Variants in SYN3 observed in about 807,000 individuals in gnomAD.
The protein encoded by SYN3 is synapsin III, also known as synapsin-3.
A neutral mutation model predicts 65.8 loss-of-function variants in SYN3; 35 were observed. That is an observed-to-expected ratio of 0.53 (90% CI 0.41 to 0.70). The LOEUF (loss-of-function observed/expected upper bound fraction) is 0.70. SYN3 is among the 30% of genes least tolerant of loss of function. The probability of loss-of-function intolerance (pLI) is 0.00; values close to 1 mark genes in which losing one functional copy is unlikely to be tolerated. For synonymous variants in SYN3, 270 were observed against 292.9 expected (o/e 0.92, Z 0.80); for missense variants, 680 against 749.0 (o/e 0.91, Z 1.08).
intron 6 of SYN3, among the ~76,000 whole-genome samples, chr22:32,694,468 T>C (rs1399512834): frequency 3.3e-5 from 5 of 152,218 alleles, no homozygotes; most frequent in Non-Finnish European, 7.3e-5. Context: ...CCTAAATTGA[T>C]AATATTGATA....
chr22:32,921,185 C>T (rs2050325496), intron 4 of SYN3, among the ~76,000 whole-genome samples: 2 of 152,054 alleles, frequency 1.3e-5, no homozygotes, highest in Admixed American at 1.3e-4. Flanking sequence ...GATACAATAC[C>T]CAATGTCTGA....
intron 4 of SYN3, among the ~76,000 whole-genome samples, chr22:32,878,775 G>GGC (rs2049048260): frequency 6.6e-6 from 1 of 152,076 alleles, no homozygotes; most frequent in African/African-American, 2.4e-5. Flanking sequence ...TCTGTAGGAG[G>GGC]GCACAACCAC....
At chr22:32,554,889 G>T (rs2058470972) in intron 7 of SYN3, among the ~76,000 whole-genome samples, 1 of 152,186 alleles carries the variant, frequency 6.6e-6, no homozygotes, top group Non-Finnish European at 1.5e-5. Flanking sequence ...TAACCTCTCT[G>T]TGTCTCACTT....
Position 32,802,269 on chromosome 22 carries a change from T to C in SYN3, c.711+62646A>G. 7.1e-6 allele frequency: 9 copies of C among 1,264,924 alleles called. No homozygotes were observed. The South Asian group carries it at 9.3e-5, about 13-fold the overall frequency. The allele number at this position is 1,264,924 out of a possible 1,614,324, so 78.4% of individuals were successfully genotyped here. A position where few individuals can be genotyped will look rare whatever the true frequency, so the allele number is the denominator to read the frequency against. ...GGCGGAGTGGAGAAACTCGATGTCC[T>C]TGGGCGGGGGCGCTGGCATAGCTGA... On this transcript the variant is annotated intron_variant, in intron 6 of 13. Transcript: ENST00000358763.
intron 7 of SYN3, among the ~76,000 whole-genome samples, chr22:32,546,133 ATGACACC>A (rs1465561212): frequency 6.6e-6 from 1 of 152,080 alleles, no homozygotes; most frequent in Admixed American, 6.6e-5. Flanking sequence ...CCCACATTGT[ATGACACC>A]TGGGCAATAA....
At chr22:32,950,872 G>C (rs1321769437) in intron 3 of SYN3, among the ~76,000 whole-genome samples, 1 of 152,094 alleles carries the variant, frequency 6.6e-6, no homozygotes, top group Non-Finnish European at 1.5e-5. Context: ...CCTATAATGA[G>C]GGGTGTAGCA....
chr22:32,551,667 C>T lies in SYN3; in HGVS notation c.775-9954G>A, dbSNP rs2058417317. On this transcript the variant is annotated intron_variant, in intron 7 of 13. Coordinates refer to ENST00000358763, the MANE Select transcript of SYN3 (RefSeq NM_003490.4). ...GAGGCTATTGAACACTGATGATATA[C>T]TAGATGATATTAAAGAATTATTATT... Among the ~76,000 whole-genome samples, 3 of 151,874 alleles carry T rather than the reference C, an allele frequency of 2.0e-5. No individual in the cohort carries two copies. In the South Asian group the frequency reaches 6.2e-4, roughly 31 times the overall value.
intron 6 of SYN3, among the ~76,000 whole-genome samples, chr22:32,657,224 C>A (rs1042015772): frequency 6.6e-6 from 1 of 151,938 alleles, no homozygotes. Context: ...CCCGGGTTCA[C>A]GCCATTCTCC....
chr22:32,737,364 G>T (rs986718800), intron 6 of SYN3, among the ~76,000 whole-genome samples: 1 of 151,668 alleles, frequency 6.6e-6, no homozygotes, highest in South Asian at 2.1e-4. Flanking sequence ...TGTGCACAAC[G>T]TGCAGGTTAG....
At chr22:32,610,300 G>T (rs913382721) in intron 6 of SYN3, among the ~76,000 whole-genome samples, 11 of 151,420 alleles carry the variant, frequency 7.3e-5, no homozygotes, top group African/African-American at 2.4e-4. Flanking sequence ...CCCAAAAAAA[G>T]AAATGTACAG....
At chr22:32,753,784 CAG>C (rs2045210798) in intron 6 of SYN3, among the ~76,000 whole-genome samples, 1 of 152,210 alleles carries the variant, frequency 6.6e-6, no homozygotes, top group South Asian at 2.1e-4. Context: ...CTTGTCCTAA[CAG>C]AAGCCAATGA....
At chr22:32,565,710 ATATT>A (rs985670159) in intron 7 of SYN3, among the ~76,000 whole-genome samples, 6 of 149,254 alleles carry the variant, frequency 4.0e-5, no homozygotes, top group South Asian at 2.1e-4. Flanking sequence ...ATTTTATTAT[ATATT>A]TATTTATTTA....
At chr22:32,915,613 G>A (rs1403494162) in intron 4 of SYN3, among the ~76,000 whole-genome samples, 1 of 152,194 alleles carries the variant, frequency 6.6e-6, no homozygotes, top group Non-Finnish European at 1.5e-5. Flanking sequence ...AATAGCAAGT[G>A]CAAAGGCCCT....
At chr22:32,960,832 G>A (rs1033483825) in intron 3 of SYN3, among the ~76,000 whole-genome samples, 1 of 152,096 alleles carries the variant, frequency 6.6e-6, no homozygotes, top group African/African-American at 2.4e-5. Flanking sequence ...GGGATCTTGG[G>A]GAAATCACAG....
chr22:32,783,878 C>G (rs2145845032), intron 6 of SYN3, among the ~76,000 whole-genome samples: 1 of 152,292 alleles, frequency 6.6e-6, no homozygotes, highest in South Asian at 2.1e-4. Flanking sequence ...CGACTCCCAG[C>G]AATACTATAA....
chr22:32,783,917 C>A (rs1382151569), intron 6 of SYN3, among the ~76,000 whole-genome samples: 2 of 152,204 alleles, frequency 1.3e-5, no homozygotes, highest in African/African-American at 4.8e-5. Flanking sequence ...GTGACTTGAA[C>A]TATCTGTGCC....
At chr22:32,917,250 C>A (rs527672351) in intron 4 of SYN3, among the ~76,000 whole-genome samples, 196 of 152,250 alleles carry the variant, frequency 1.3e-3, no homozygotes, top group Non-Finnish European at 2.0e-3. Flanking sequence ...CCCAGGACTG[C>A]CAGACACCAA....
At chr22:32,823,821 C>T (rs961772092) in intron 6 of SYN3, among the ~76,000 whole-genome samples, 10 of 152,106 alleles carry the variant, frequency 6.6e-5, no homozygotes, top group African/African-American at 2.4e-4. Flanking sequence ...GTCACTCTGC[C>T]TCCAGAGCCC....
At position 32,931,419 on chromosome 22, in the gene SYN3, C is replaced by T; in HGVS notation, c.432G>A (p.Gln144=). ...CCACTTTGGTCCCATTTCTCACGAC[C>T]TGCATGTCCACCATGCAGCCCCCGG... is the stretch of plus-strand genomic sequence containing the variant. The part of the protein sequence containing the change: ...YVTGGCMVDM[Q]VVRNGTKVVS... Residue 144 remains glutamine, a synonymous_variant, in exon 4 of 14, where the codon CAG becomes CAA. Transcript: ENST00000358763. 1 of 1,613,856 alleles carries T rather than the reference C, an allele frequency of 6.2e-7. No individual in the cohort carries two copies. The highest frequency in any genetic ancestry group is 1.3e-5 in the African/African-American group (1 of 75,042).
Sources: allele counts gnomAD v4.1 joint callset (sites outside exome capture counted in the v4.1 genomes callset), GRCh38; gene constraint gnomAD v4.1.1; transcripts MANE v1.5; gene names NCBI Gene and HGNC (gene_info 2026-07-23, HGNC 2026-07-21).